Variants in OTOF observed in about 807,000 individuals in gnomAD.
The protein encoded by OTOF is fer-1-like family member 2.
OTOF carries 218 observed loss-of-function variants against 236.8 expected under a neutral mutation model. The ratio of observed to expected loss-of-function variants is 0.92; its 90% CI spans 0.82 to 1.03. The LOEUF (loss-of-function observed/expected upper bound fraction) is 1.03, where lower values mean the gene tolerates loss of function less well. Among genes scored for constraint, OTOF ranks in the 50% least tolerant of loss-of-function variants. OTOF has a pLI of 0.00. For missense variants in OTOF, 2,590 were observed against 2,694.4 expected (o/e 0.96, Z 0.86); for synonymous variants, 1,041 against 1,072.5 (o/e 0.97, Z 0.57).
Position 26,510,643 on chromosome 2 carries a change from G to A in OTOF, c.509+5775C>T, listed in dbSNP as rs999136422. On this transcript the variant is annotated intron_variant, in intron 5 of 46. Transcript: ENST00000272371. ...GCCCATCCCGCCCTCCACAGCCTGTGGGGAGGAGGCCTCTGTCTCCCCAGA... is the reference window on the plus strand; with the variant it reads ...GCCCATCCCGCCCTCCACAGCCTGTAGGGAGGAGGCCTCTGTCTCCCCAGA... 9.0e-6 allele frequency: 10 copies of A among 1,108,556 alleles called. No homozygotes were observed. The South Asian group carries it at 1.3e-4, about 14-fold the overall frequency. 68.7% of individuals were successfully genotyped at this position (1,108,556 alleles called of 1,614,324 possible).
chr2:26,470,843 C>T lies in OTOF; in HGVS notation c.3895-122G>A. Reference sequence around the variant, plus strand: ...TTGGGCTCCATGAGGCTCTGTGGGGCCACCCATGTCCAAGGGGCAGGGCCT... The same window carrying T: ...TTGGGCTCCATGAGGCTCTGTGGGGTCACCCATGTCCAAGGGGCAGGGCCT... On this transcript the variant is annotated intron_variant, in intron 31 of 46. Transcript: ENST00000272371. The surrounding 1 kb of genome is among the most constrained non-coding windows in gnomAD (Gnocchi z 4.3). 2 of 1,513,724 alleles carry T rather than the reference C, an allele frequency of 1.3e-6. No individual in the cohort carries two copies. The highest frequency in any genetic ancestry group is 8.9e-7 in the Non-Finnish European group (1 of 1,123,306). The allele number at this position is 1,513,724 out of a possible 1,614,324, so 93.8% of individuals were successfully genotyped here. A position where few individuals can be genotyped will look rare whatever the true frequency, so the allele number is the denominator to read the frequency against.
chr2:26,469,469 C>A (rs759999872), intron 32 of OTOF, among the ~76,000 whole-genome samples: 11 of 152,234 alleles, frequency 7.2e-5, no homozygotes, highest in Non-Finnish European at 1.3e-4. Flanking sequence ...ATTTCCCAGC[C>A]TCCTTTGCAG....
intron 1 of OTOF, among the ~76,000 whole-genome samples, chr2:26,538,150 C>A (rs1259706423): frequency 1.3e-5 from 2 of 152,222 alleles, no homozygotes; most frequent in East Asian, 3.8e-4. Context: ...CTGGTGGCTC[C>A]GGGCCCTGCT....
intron 4 of OTOF, 26 bp downstream of exon 4, chr2:26,518,984 C>A (rs2148102295): frequency 1.9e-6 from 3 of 1,544,330 alleles, no homozygotes; most frequent in South Asian, 1.1e-5. Context: ...ATGGGAAAGT[C>A]CAGGAACTCC....
In OTOF at chr2:26,473,452, T is replaced by C. The variant is rs148484769; in HGVS notation, c.3524A>G (p.Tyr1175Cys). The C allele has an allele frequency of 1.2e-6, 2 of 1,613,326 alleles. No homozygotes were observed. Among genetic ancestry groups the C allele is most frequent in the Non-Finnish European group, 1.7e-6 (2 of 1,179,970 alleles). ...GGTGTTGAAGTTGGGGTTCTTCTTA[T>C]AATTGTGGATCAGGGACGACTGCAC... is the stretch of plus-strand genomic sequence containing the variant. ...KGVQSSLIHN[Y>C]KKNPNFNTLV... is the part of the protein sequence containing the mutation. Residue 1175 changes from tyrosine to cysteine, a missense_variant, in exon 28 of 47, where the codon TAT (tyrosine) becomes TGT (cysteine). Tyr to Cys is a radical substitution (Grantham distance 194, BLOSUM62 -2). Around this residue, in one of 2 missense-constraint regions of OTOF, gnomAD observed 1,211 missense variants for 1,352.8 expected, o/e 0.90. Transcript: ENST00000272371. The surrounding 1 kb of genome is among the most constrained non-coding windows in gnomAD (Gnocchi z 7.2).
chr2:26,461,760 C>G lies in OTOF; in HGVS notation c.5469G>C (p.Lys1823Asn). The G allele has an allele frequency of 6.2e-7, 1 of 1,614,204 alleles. No individual in the cohort carries two copies. Among genetic ancestry groups the G allele is most frequent in the Non-Finnish European group, 8.5e-7 (1 of 1,180,036 alleles). Residue 1823 changes from lysine (K) to asparagine (N), a missense_variant, in exon 43 of 47, where the codon AAG becomes AAC. By Grantham distance (94) the Lys-to-Asn change is moderately conservative. Transcript: ENST00000272371. The surrounding 1 kb of genome is among the most constrained non-coding windows in gnomAD (Gnocchi z 6.2). The stretch of plus-strand genomic sequence containing the variant: ...TCTGCAGGGTGAGCCGCGCGGGGAT[C>G]TTGTACTCGGTCTCGTCCCAGGAGA... Reference protein sequence around the residue: ...SMFSWDETEYKIPARLTLQIW... With the variant: ...SMFSWDETEYNIPARLTLQIW...
intron 1 of OTOF, among the ~76,000 whole-genome samples, chr2:26,544,709 A>C (rs941241748): frequency 2.0e-5 from 3 of 152,112 alleles, no homozygotes; most frequent in Non-Finnish European, 4.4e-5. Context: ...TAAGAACAGA[A>C]TGGTTATGTC....
intron 2 of OTOF, among the ~76,000 whole-genome samples, chr2:26,529,521 G>A (rs1159568041): frequency 6.6e-6 from 1 of 152,142 alleles, no homozygotes; most frequent in Non-Finnish European, 1.5e-5. Flanking sequence ...TGCATGACTT[G>A]GAGCACTCTG....
rs541007694 is a variant in OTOF, at chr2:26,470,992, G to A, written c.3894+129C>T. ...AGCTCTTTTCCACTGCATCTTAGGG[G>A]AGGTGTGCTGGCCCAAGCATGCGGG... On this transcript the variant is annotated intron_variant, in intron 31 of 46. Transcript: ENST00000272371. The surrounding 1 kb of genome is among the most constrained non-coding windows in gnomAD (Gnocchi z 4.3). 59 of 1,234,456 alleles carry A rather than the reference G, an allele frequency of 4.8e-5. No individual in the cohort carries two copies. In the African/African-American group the frequency reaches 7.7e-4, roughly 16 times the overall value. 76.5% of individuals were successfully genotyped at this position (1,234,456 alleles called of 1,614,324 possible). A position where few individuals can be genotyped will look rare whatever the true frequency, so the allele number is the denominator to read the frequency against.
At chr2:26,507,451 A>G (rs1386976869) in intron 5 of OTOF, among the ~76,000 whole-genome samples, 1 of 152,236 alleles carries the variant, frequency 6.6e-6, no homozygotes, top group Non-Finnish European at 1.5e-5. Flanking sequence ...AATAAATGTC[A>G]ACTTAATCAG....
At chr2:26,511,893 T>A (rs1666400481) in intron 5 of OTOF, among the ~76,000 whole-genome samples, 1 of 152,116 alleles carries the variant, frequency 6.6e-6, no homozygotes, top group African/African-American at 2.4e-5. Context: ...AAAACACTCT[T>A]GGGGTAAGGC....
intron 4 of OTOF, among the ~76,000 whole-genome samples, chr2:26,517,112 T>C (rs1160934575): frequency 1.3e-5 from 2 of 152,106 alleles, no homozygotes; most frequent in African/African-American, 4.8e-5. Flanking sequence ...CTTCCTACCC[T>C]GGAGAGGGAG....
chr2:26,501,911 T>C, intron 7 of OTOF, 103 bp from the exon 8 acceptor site: 2 of 851,354 alleles, frequency 2.3e-6, no homozygotes, highest in Non-Finnish European at 2.0e-6. Context: ...AGGGACAGAA[T>C]CATGGTCTTT....
chr2:26,542,869 C>T (rs1667240835), intron 1 of OTOF, among the ~76,000 whole-genome samples: 1 of 152,164 alleles, frequency 6.6e-6, no homozygotes, highest in Non-Finnish European at 1.5e-5. Flanking sequence ...TCAAGGACGT[C>T]GTGATTTTGC....
chr2:26,506,542 C>T (rs1666253612), intron 5 of OTOF, among the ~76,000 whole-genome samples: 1 of 152,156 alleles, frequency 6.6e-6, no homozygotes, highest in Non-Finnish European at 1.5e-5. Context: ...GGGGGGAGTG[C>T]AAGGTAGCAA....
At chr2:26,542,398 T>A (rs762892981) in intron 1 of OTOF, among the ~76,000 whole-genome samples, 1 of 152,052 alleles carries the variant, frequency 6.6e-6, no homozygotes, top group Non-Finnish European at 1.5e-5. Context: ...CGTATTACAA[T>A]CCAGAGGGAG....
At chr2:26,466,339 C>G (rs1664724770) in intron 36 of OTOF, 1 of 499,466 alleles carries the variant, frequency 2.0e-6, no homozygotes, top group Admixed American at 3.4e-5. Context: ...GCTTCTTCTT[C>G]TTTTTTTTTT....
At chr2:26,459,564 A>T (rs1664357987) in intron 46 of OTOF, among the ~76,000 whole-genome samples, 1 of 151,838 alleles carries the variant, frequency 6.6e-6, no homozygotes, top group African/African-American at 2.4e-5. Context: ...AAAAAAAAAA[A>T]AAAAAAAAAA....
In OTOF at chr2:26,477,294, A is replaced by G. The variant is rs1423595156; in HGVS notation, c.2407-6T>C. On this transcript the variant is annotated splice_polypyrimidine_tract_variant and splice_region_variant and intron_variant, in intron 20 of 46. Coordinates refer to ENST00000272371, the MANE Select transcript of OTOF (RefSeq NM_194248.3). The surrounding 1 kb of genome is among the most constrained non-coding windows in gnomAD (Gnocchi z 4.7). ...GCCTGCTGCCCCATGTTTTCCTGCGAAGGAGGGGGTGTCAGTGAACCCAGC... is the reference window on the plus strand; with the variant it reads ...GCCTGCTGCCCCATGTTTTCCTGCGGAGGAGGGGGTGTCAGTGAACCCAGC... 1.2e-6 allele frequency: 2 copies of G among 1,608,616 alleles called. No individual in the cohort carries two copies. Among genetic ancestry groups the G allele is most frequent in the Admixed American group, 3.4e-5 (2 of 59,644 alleles).
Sources: gnomAD v4.1 joint callset for allele counts (sites outside exome capture counted in the v4.1 genomes callset) on GRCh38, gnomAD v4.1.1 for gene constraint, gnomAD v4.1.1 regional missense constraint, Gnocchi (gnomAD v3.1) non-coding constraint, MANE v1.5 for transcripts, NCBI Gene and HGNC (gene_info 2026-07-23, HGNC 2026-07-21) for gene names.